Variants in SGCD observed in about 807,000 individuals in gnomAD.
SGCD encodes sarcoglycan delta.
A neutral mutation model predicts 36.6 loss-of-function variants in SGCD; 18 were observed. That is an observed-to-expected ratio of 0.49 (90% CI 0.34 to 0.73). The LOEUF is 0.73. Ranked by LOEUF, SGCD falls within the 30% of genes least tolerant of loss-of-function variation. The pLI is 0.01. For synonymous variants in SGCD, 133 were observed against 130.6 expected (o/e 1.02, Z -0.12); for missense variants, 387 against 346.7 (o/e 1.12, Z -0.92).
intron 3 of SGCD, among the ~76,000 whole-genome samples, chr5:156,379,226 A>T (rs1215282217): frequency 6.6e-6 from 1 of 152,222 alleles, no homozygotes; most frequent in Non-Finnish European, 1.5e-5. Context: ...AGACAGTGAT[A>T]ATTGCTAAGG....
At chr5:156,608,031 G>A (rs1402697094) in intron 6 of SGCD, among the ~76,000 whole-genome samples, 1 of 152,118 alleles carries the variant, frequency 6.6e-6, no homozygotes, top group Non-Finnish European at 1.5e-5. Context: ...GGTTTTTGGT[G>A]TCTCTATTTC....
At chr5:155,991,201 C>G (rs1758425596) in intron 1 of SGCD, among the ~76,000 whole-genome samples, 2 of 152,178 alleles carry the variant, frequency 1.3e-5, no homozygotes, top group Admixed American at 6.5e-5. Flanking sequence ...AAGCATTATT[C>G]TCTCTAGAGC....
chr5:156,075,432 G>A (rs558160763), intron 1 of SGCD, among the ~76,000 whole-genome samples: 2 of 152,120 alleles, frequency 1.3e-5, no homozygotes, highest in Non-Finnish European at 2.9e-5. Flanking sequence ...GATGCACAGA[G>A]GTAGTCTATA....
chr5:156,217,119 G>T (rs1216339697), intron 3 of SGCD, among the ~76,000 whole-genome samples: 1 of 152,124 alleles, frequency 6.6e-6, no homozygotes, highest in East Asian at 1.9e-4. Context: ...GAAAGAAAAT[G>T]AATGTCGCAT....
chr5:156,163,256 A>G (rs1305888920), intron 3 of SGCD, among the ~76,000 whole-genome samples: 1 of 151,704 alleles, frequency 6.6e-6, no homozygotes, highest in Non-Finnish European at 1.5e-5. Context: ...TAAGATATTC[A>G]TATCAACTCA....
intron 3 of SGCD, among the ~76,000 whole-genome samples, chr5:156,364,819 A>C (rs1323904488): frequency 6.6e-6 from 1 of 152,190 alleles, no homozygotes. Context: ...AACTTTTTCC[A>C]AATAAGTATC....
the SGCD span, among the ~76,000 whole-genome samples, chr5:155,732,293 A>T: frequency 9.9e-5 from 15 of 152,210 alleles, no homozygotes; most frequent in African/African-American, 3.4e-4. Flanking sequence ...GTCTCAGAGA[A>T]ATTACTTTAG....
chr5:156,484,367 A>G (rs143016211), intron 3 of SGCD, among the ~76,000 whole-genome samples: 38 of 152,348 alleles, frequency 2.5e-4, no homozygotes, highest in African/African-American at 8.2e-4. Flanking sequence ...AATACTTTAT[A>G]GAGGAGGAAA....
chr5:155,880,354 A>G (rs189444473), intron 1 of SGCD, among the ~76,000 whole-genome samples: 1 of 152,326 alleles, frequency 6.6e-6, no homozygotes, highest in East Asian at 1.9e-4. Flanking sequence ...ATTATTCTCA[A>G]AATTAGAATT....
chr5:155,890,835 T>G (rs1756111953), intron 1 of SGCD, among the ~76,000 whole-genome samples: 1 of 152,124 alleles, frequency 6.6e-6, no homozygotes, highest in Non-Finnish European at 1.5e-5. Context: ...TGCATCATTC[T>G]ACTCAAGACT....
At chr5:155,897,664 A>C (rs1756296610) in intron 1 of SGCD, among the ~76,000 whole-genome samples, 1 of 151,942 alleles carries the variant, frequency 6.6e-6, no homozygotes, top group African/African-American at 2.4e-5. Flanking sequence ...TATTTCTAAA[A>C]TTTTTAATTT....
intron 3 of SGCD, among the ~76,000 whole-genome samples, chr5:156,152,073 T>TA (rs925268117): frequency 5.3e-5 from 8 of 150,076 alleles, no homozygotes; most frequent in South Asian, 2.1e-4. Flanking sequence ...AAAATGGTCT[T>TA]AAAAAAAAAT....
At chr5:155,877,629 T>G (rs186617028) in intron 1 of SGCD, among the ~76,000 whole-genome samples, 2 of 152,260 alleles carry the variant, frequency 1.3e-5, no homozygotes, top group African/African-American at 4.8e-5. Flanking sequence ...TGGTGAAGTT[T>G]CTTCACTACA....
At chr5:155,996,174 T>C (rs993636074) in intron 1 of SGCD, among the ~76,000 whole-genome samples, 1 of 152,104 alleles carries the variant, frequency 6.6e-6, no homozygotes, top group Non-Finnish European at 1.5e-5. Flanking sequence ...AGGTTTGTTA[T>C]GTAGCTAAAG....
chr5:155,738,009 G>A, the SGCD span, among the ~76,000 whole-genome samples: 19 of 152,228 alleles, frequency 1.2e-4, no homozygotes, highest in African/African-American at 4.6e-4. Context: ...GATCCTGGAC[G>A]AGGGAAGAAG....
At chr5:155,771,477 G>T in the SGCD span, among the ~76,000 whole-genome samples, 14 of 151,562 alleles carry the variant, frequency 9.2e-5, no homozygotes, top group Admixed American at 9.2e-4. Flanking sequence ...AGGCTAGAGG[G>T]CAGTGGCGTG....
At chr5:156,441,754 A>T (rs1753500679) in intron 3 of SGCD, among the ~76,000 whole-genome samples, 1 of 152,172 alleles carries the variant, frequency 6.6e-6, no homozygotes, top group South Asian at 2.1e-4. Context: ...TGTGTGTGGA[A>T]TCTAGCCAAG....
At chr5:156,248,180 A>T (rs1765484042) in intron 3 of SGCD, among the ~76,000 whole-genome samples, 1 of 152,142 alleles carries the variant, frequency 6.6e-6, no homozygotes, top group Non-Finnish European at 1.5e-5. Flanking sequence ...GGGATATTCC[A>T]GGTAGAGGGA....
chr5:155,857,210 C>T, the SGCD span, among the ~76,000 whole-genome samples: 1 of 152,148 alleles, frequency 6.6e-6, no homozygotes, highest in Non-Finnish European at 1.5e-5. Flanking sequence ...GCACTATGGC[C>T]TGGGCGACAG....
Sources: gnomAD v4.1 joint callset for allele counts (sites outside exome capture counted in the v4.1 genomes callset) on GRCh38, gnomAD v4.1.1 for gene constraint, MANE v1.5 for transcripts, NCBI Gene and HGNC (gene_info 2026-07-23, HGNC 2026-07-21) for gene names.